Variants in PHEX observed in about 807,000 individuals in gnomAD.
PHEX encodes phosphate-regulating neutral endopeptidase PHEX.
A neutral mutation model predicts 68.0 loss-of-function variants in PHEX; 16 were observed. That is an observed-to-expected ratio of 0.24 (90% confidence interval 0.16 to 0.36). The LOEUF is 0.36. Among genes scored for constraint, PHEX ranks in the 10% least tolerant of loss-of-function variants. PHEX has a pLI of 1.00. For synonymous variants in PHEX, 208 were observed against 205.1 expected, an observed-to-expected ratio of 1.01 and a Z score of -0.12; for missense variants, 480 against 575.5, an observed-to-expected ratio of 0.83 and a Z score of 1.70.
rs759651631 is a variant in PHEX at position 22,182,464 on chromosome X, T to C, written c.1586+4088T>C. 6.3e-5 allele frequency among the ~76,000 whole-genome samples: 7 copies of C among 111,320 alleles called. No homozygotes were observed. The South Asian group carries it at 2.3e-3, about 36-fold the overall frequency. The stretch of plus-strand genomic sequence containing the variant: ...TGCCCATGTGGCTGCTGCTGGGGAA[T>C]GAGGGAAGGACGGTATAGGCAATTC... On this transcript the variant is annotated intron_variant, in intron 14 of 21. Transcript: ENST00000379374.
At chrX:22,040,064 C>A (rs1927204360) in intron 2 of PHEX, among the ~76,000 whole-genome samples, 1 of 111,764 alleles carries the variant, frequency 8.9e-6, no homozygotes, top group South Asian at 3.8e-4. Context: ...GTCCCACACA[C>A]AGCTATTAGA....
chrX:22,236,367 C>G (rs773250758), intron 20 of PHEX, among the ~76,000 whole-genome samples: 15 of 112,677 alleles, frequency 1.3e-4, no homozygotes, highest in Non-Finnish European at 2.8e-4. Flanking sequence ...ATCTCCACAG[C>G]TAATCTTCTG....
chrX:22,192,151 G>C (rs1934217335), intron 15 of PHEX, among the ~76,000 whole-genome samples: 1 of 91,477 alleles, frequency 1.1e-5, no homozygotes. Context: ...CTTAATGATG[G>C]CATGCCCCAA....
At chrX:22,234,969 T>A (rs1193356683) in intron 20 of PHEX, among the ~76,000 whole-genome samples, 1 of 111,810 alleles carries the variant, frequency 8.9e-6, no homozygotes, top group Non-Finnish European at 1.9e-5. Flanking sequence ...CTGGAGGGAA[T>A]CTGGAATCTC....
chrX:22,233,282 G>A (rs780929268), intron 20 of PHEX, among the ~76,000 whole-genome samples: 65 of 110,970 alleles, frequency 5.9e-4, no homozygotes, highest in Non-Finnish European at 9.1e-4. Flanking sequence ...TGACGATTAT[G>A]TGTCTTGGGG....
In PHEX at chrX:22,227,571, C is replaced by G. The variant is rs764465237; in HGVS notation, c.2030C>G (p.Thr677Arg). The change falls in exon 20 of 22, where the codon ACA (threonine) becomes AGA (arginine). Residue 677 changes from threonine to arginine, a missense_variant. Coordinates refer to ENST00000379374, the MANE Select transcript of PHEX (RefSeq NM_000444.6). ...GAGGAGCCTCTTCTACCAGGCATCA[C>G]ATTCACCAACAACCAGCTCTTCTTC... ...GLEEPLLPGI[T>R]FTNNQLFFLS... is the part of the protein sequence containing the mutation. 2.5e-6 allele frequency: 3 copies of G among 1,205,590 alleles called. No homozygotes were observed. Among genetic ancestry groups the G allele is most frequent in the Non-Finnish European group, 2.2e-6 (2 of 891,253 alleles).
chrX:22,175,506 A>C lies in PHEX; in HGVS notation c.1483-2767A>C, dbSNP rs1013745302. 6.3e-5 allele frequency among the ~76,000 whole-genome samples: 7 copies of C among 111,254 alleles called. No homozygotes were observed. The Admixed American group carries it at 6.7e-4, about 11-fold the overall frequency. ...GCTGGGATTACAGGCATGTGCCACC[A>C]CACCTGGTTAATTTTCATATTTTTA... On this transcript the variant is annotated intron_variant, in intron 13 of 21. Coordinates refer to ENST00000379374, the MANE Select transcript of PHEX (RefSeq NM_000444.6).
chrX:22,203,711 A>G (rs1220543659), intron 15 of PHEX, among the ~76,000 whole-genome samples: 1 of 111,572 alleles, frequency 9.0e-6, no homozygotes, highest in Non-Finnish European at 1.9e-5. Context: ...GGATTTTCTA[A>G]AGCAGGTGCA....
intron 15 of PHEX, among the ~76,000 whole-genome samples, chrX:22,202,846 TA>T (rs1022472221): frequency 3.6e-5 from 4 of 111,835 alleles, no homozygotes; most frequent in Non-Finnish European, 5.6e-5. Flanking sequence ...TGCCAGATGT[TA>T]AACTATAGCA....
chrX:22,069,982 G>A (rs186571322), intron 3 of PHEX, among the ~76,000 whole-genome samples: 83 of 111,705 alleles, frequency 7.4e-4, no homozygotes, highest in African/African-American at 2.6e-3. Context: ...CCCATGCAGT[G>A]TGAGTTAGAA....
At position 22,179,515 on chromosome X, in the gene PHEX, G is replaced by A. The variant is rs779216287; in HGVS notation, c.1586+1139G>A. Among the ~76,000 whole-genome samples, 5 of 103,862 alleles carry A rather than the reference G, an allele frequency of 4.8e-5. No homozygotes were observed. The East Asian group carries it at 1.5e-3, about 31-fold the overall frequency. The allele number at this position is 103,862 out of a possible 115,157, so 90.2% of individuals were successfully genotyped here. On this transcript the variant is annotated intron_variant, in intron 14 of 21. Transcript: ENST00000379374. ...TCCCCCTAAGTCTCTAAAGTCCACTGTATCATTCTTATGCCTTTGTGTCCT... is the reference window on the plus strand; with the variant it reads ...TCCCCCTAAGTCTCTAAAGTCCACTATATCATTCTTATGCCTTTGTGTCCT...
At chrX:22,227,404 A>G (rs1602412494) in intron 19 of PHEX, 103 bp from the exon 20 acceptor site, 6 of 574,371 alleles carry the variant, frequency 1.0e-5, no homozygotes. Context: ...GACATGATGC[A>G]TTTTGCACGT....
chrX:22,206,729 C>T (rs191015101), intron 15 of PHEX, among the ~76,000 whole-genome samples: 1,679 of 111,169 alleles, frequency 0.015, 33 homozygotes, highest in African/African-American at 0.05. Context: ...AAATTATTCC[C>T]TTTTTGCATG....
rs772004242 is a variant in PHEX at position 22,062,722 on chromosome X, T to A, written c.350-13666T>A. Among the ~76,000 whole-genome samples, 743 of 110,989 alleles carry A rather than the reference T, an allele frequency of 6.7e-3. 3 individuals carry two copies. Among genetic ancestry groups the A allele is most frequent in the Middle Eastern group, 0.018 (4 of 217 alleles). ...CCATTCTCAGAGATTCTCATGGAAT[T>A]GATCTGGGGTGCTGCTTGGGTGTTA... On this transcript the variant is annotated intron_variant, in intron 3 of 21. Coordinates refer to ENST00000379374, the MANE Select transcript of PHEX (RefSeq NM_000444.6).
intron 12 of PHEX, among the ~76,000 whole-genome samples, chrX:22,156,832 T>G (rs1932964081): frequency 9.0e-6 from 1 of 111,284 alleles, no homozygotes; most frequent in Non-Finnish European, 1.9e-5. Flanking sequence ...ATTTAAAAAT[T>G]TATGATTTGG....
At chrX:22,223,091 C>CTGTCT (rs1422890724) in intron 18 of PHEX, among the ~76,000 whole-genome samples, 2 of 112,224 alleles carry the variant, frequency 1.8e-5, no homozygotes, top group African/African-American at 6.5e-5. Flanking sequence ...AAGGGCATGC[C>CTGTCT]TGTCTTAGCA....
At chrX:22,042,196 G>A (rs1026948213) in intron 2 of PHEX, among the ~76,000 whole-genome samples, 3 of 111,634 alleles carry the variant, frequency 2.7e-5, no homozygotes, top group African/African-American at 9.8e-5. Flanking sequence ...TTCTGAGCAG[G>A]TGCCAACCAC....
At chrX:22,171,452 C>T (rs1367566809) in intron 13 of PHEX, 1 of 110,179 alleles carries the variant, frequency 9.1e-6, no homozygotes, top group Non-Finnish European at 1.9e-5. Context: ...CACTTTCTCT[C>T]CCCCTCAAGC....
At chrX:22,158,864 T>G (rs753518885) in intron 12 of PHEX, among the ~76,000 whole-genome samples, 1 of 112,334 alleles carries the variant, frequency 8.9e-6, no homozygotes, top group Non-Finnish European at 1.9e-5. Context: ...TGTTGTATAT[T>G]AGGTTTTCAA....
Sources: gnomAD v4.1 joint callset for allele counts (sites outside exome capture counted in the v4.1 genomes callset) on GRCh38, gnomAD v4.1.1 for gene constraint, MANE v1.5 for transcripts, NCBI Gene and HGNC (gene_info 2026-07-23, HGNC 2026-07-21) for gene names.